Variants in UNC13B observed in about 807,000 individuals in gnomAD.
UNC13B encodes unc-13 homolog B, also known as protein unc-13 homolog B.
In UNC13B, 144 loss-of-function variants were observed where a neutral mutation model predicts 211.0. That is an observed-to-expected ratio of 0.68 (90% CI 0.60 to 0.78). The LOEUF is 0.78. UNC13B is among the 30% of genes least tolerant of loss of function. The pLI, the probability that UNC13B is intolerant of heterozygous loss-of-function variation, is 0.00. For synonymous variants in UNC13B, 709 were observed against 725.8 expected, an observed-to-expected ratio of 0.98 and a Z score of 0.37; for missense variants, 1,777 against 2,002.0, an observed-to-expected ratio of 0.89 and a Z score of 2.14.
intron 1 of UNC13B, among the ~76,000 whole-genome samples, chr9:35,203,208 G>A (rs185085628): frequency 0.012 from 1,757 of 152,258 alleles, 33 homozygotes; most frequent in African/African-American, 0.039. Context: ...TATGATGTTA[G>A]CTGGTTGTTT....
intron 11 of UNC13B, among the ~76,000 whole-genome samples, chr9:35,327,412 C>T (rs1164585848): frequency 1.3e-5 from 2 of 152,144 alleles, no homozygotes; most frequent in East Asian, 1.9e-4. Context: ...CTTCAGTCTG[C>T]AGCTGAAGAC....
rs755921880 is a variant in UNC13B, at chr9:35,396,481, G to A, written c.11314G>A (p.Glu3772Lys). 1.9e-6 allele frequency: 3 copies of A among 1,614,124 alleles called. No individual in the cohort carries two copies. Among genetic ancestry groups the A allele is most frequent in the African/African-American group, 1.3e-5 (1 of 75,046 alleles). The change falls in exon 27 of 40, where the codon GAG (glutamate) becomes AAG (lysine). Residue 3772 changes from glutamate (E) to lysine (K), a missense_variant. Physicochemically the swap from Glu to Lys is moderately conservative, Grantham distance 56 (BLOSUM62 1). Coordinates refer to ENST00000635942, the MANE Select transcript of UNC13B (RefSeq NM_001371189.2). ...ACCTTTCTCCCTACCACTAGAGCAT[G>A]AGAAAGACCACCTGTGTAAAAGTGC... ...QDMKYALEEH[E>K]KDHLCKSADY... is the part of the protein sequence containing the mutation.
intron 1 of UNC13B, among the ~76,000 whole-genome samples, chr9:35,211,497 C>T (rs903850745): frequency 2.0e-5 from 3 of 152,212 alleles, no homozygotes; most frequent in African/African-American, 4.8e-5. Flanking sequence ...CTTATCTACT[C>T]ATCTTCTATT....
intron 7 of UNC13B, among the ~76,000 whole-genome samples, chr9:35,259,823 T>C (rs568809084): frequency 2.0e-4 from 30 of 149,086 alleles, no homozygotes; most frequent in African/African-American, 7.4e-4. Flanking sequence ...GATACTTTTG[T>C]GTTGCTCTGT....
chr9:35,279,838 C>A (rs2184019), intron 7 of UNC13B, among the ~76,000 whole-genome samples: 20,807 of 152,138 alleles, frequency 0.14, 1,773 homozygotes, highest in Admixed American at 0.24. Flanking sequence ...GGAATAGTCA[C>A]CCTTCCTACA....
chr9:35,354,806 A>C (rs1927958), intron 11 of UNC13B, among the ~76,000 whole-genome samples: 2,458 of 152,278 alleles, frequency 0.016, 48 homozygotes, highest in African/African-American at 0.056. Context: ...TGGGAGTATA[A>C]ATTGGCATAA....
Position 35,381,192 on chromosome 9 carries a change from G to A in UNC13B, c.10468G>A (p.Val3490Met), listed in dbSNP as rs368700689. 73 of 1,613,890 alleles carry A rather than the reference G, an allele frequency of 4.5e-5. No homozygotes were observed. In the Middle Eastern group the frequency reaches 5.0e-4, roughly 11 times the overall value. ...GGAGGAGAAAGTAGCCCCATACCAC[G>A]TGCAGTATACATGTCTCCATGAGGT... is the stretch of plus-strand genomic sequence containing the variant. ...KGEEKVAPYHVQYTCLHENLF... is the reference protein window; with the variant it reads ...KGEEKVAPYHMQYTCLHENLF... The change falls in exon 19 of 40, where the codon GTG becomes ATG. Residue 3490 changes from valine to methionine, a missense_variant. Val to Met is a conservative substitution (Grantham distance 21). Coordinates refer to ENST00000635942, the MANE Select transcript of UNC13B (RefSeq NM_001371189.2).
At chr9:35,221,859 A>G (rs1481330231) in intron 1 of UNC13B, among the ~76,000 whole-genome samples, 1 of 152,236 alleles carries the variant, frequency 6.6e-6, no homozygotes, top group Non-Finnish European at 1.5e-5. Context: ...GCAAATATGT[A>G]TATGCACTTG....
chr9:35,382,254 C>A (rs1381972585), intron 20 of UNC13B, 103 bp from the exon 21 acceptor site: 2 of 1,482,744 alleles, frequency 1.3e-6, no homozygotes, highest in Non-Finnish European at 1.8e-6. Flanking sequence ...GCAGCAATTG[C>A]CCTGGCTGTG....
At position 35,322,608 on chromosome 9, in the gene UNC13B, G is replaced by A. The variant is rs369358646; in HGVS notation, c.9414+8619G>A. Reference sequence around the variant, plus strand: ...CGATCATTAAGACAGAGAACGAATCGAAACTCTTCTGCAAAGTTCCGTTCT... The same window carrying A: ...CGATCATTAAGACAGAGAACGAATCAAAACTCTTCTGCAAAGTTCCGTTCT... On this transcript the variant is annotated intron_variant, in intron 11 of 39. Transcript: ENST00000635942. Among the ~76,000 whole-genome samples the A allele has an allele frequency of 7.4e-4, 113 of 152,212 alleles. 1 individual carries two copies. The South Asian group carries it at 0.018, about 24-fold the overall frequency.
At chr9:35,342,547 A>G (rs1205114166) in intron 11 of UNC13B, among the ~76,000 whole-genome samples, 1 of 152,160 alleles carries the variant, frequency 6.6e-6, no homozygotes, top group Non-Finnish European at 1.5e-5. Flanking sequence ...GTGTGCTGAT[A>G]ATCTGACCAT....
intron 7 of UNC13B, among the ~76,000 whole-genome samples, chr9:35,272,233 A>G (rs10972415): frequency 0.98 from 140,526 of 143,910 alleles, 68,693 homozygotes; most frequent in Non-Finnish European, 1. Context: ...TGGTTGTTTC[A>G]TTTTGTTTTT....
At chr9:35,365,925 C>T (rs1018225706) in intron 11 of UNC13B, among the ~76,000 whole-genome samples, 1 of 152,176 alleles carries the variant, frequency 6.6e-6, no homozygotes, top group Non-Finnish European at 1.5e-5. Context: ...ACTTTTCCAT[C>T]ACCATTAGCT....
At chr9:35,352,448 C>G in intron 11 of UNC13B, 1 of 1,232,034 alleles carries the variant, frequency 8.1e-7, no homozygotes, top group Non-Finnish European at 1.0e-6. Flanking sequence ...ACCAAGCTGC[C>G]CACAGGGTAA....
rs770976126 is a variant in UNC13B, at chr9:35,377,588, G to A, written c.9956G>A (p.Arg3319Gln). Residue 3319 changes from arginine to glutamine, a missense_variant, in exon 16 of 40, where the codon CGG becomes CAG. Transcript: ENST00000635942. The stretch of plus-strand genomic sequence containing the variant: ...AAGCCAGAGATCTTTGAAGTTATCC[G>A]GGACGTCTTCACAGTGAACAAAGCT... ...RNKPEIFEVI[R>Q]DVFTVNKAAH... The A allele has an allele frequency of 2.7e-5, 43 of 1,614,182 alleles. No individual in the cohort carries two copies. In the East Asian group the frequency reaches 3.8e-4, roughly 14 times the overall value.
intron 1 of UNC13B, among the ~76,000 whole-genome samples, chr9:35,199,875 T>G (rs1237986260): frequency 6.6e-6 from 1 of 152,200 alleles, no homozygotes; most frequent in Non-Finnish European, 1.5e-5. Context: ...TTGGCTTTTG[T>G]TGCCATTGCT....
intron 11 of UNC13B, among the ~76,000 whole-genome samples, chr9:35,324,477 T>C (rs1830901757): frequency 6.6e-6 from 1 of 152,234 alleles, no homozygotes; most frequent in Admixed American, 6.5e-5. Context: ...ACACATTCTG[T>C]GGGACTAGTT....
At chr9:35,252,915 G>A (rs982795966) in intron 6 of UNC13B, among the ~76,000 whole-genome samples, 3 of 151,328 alleles carry the variant, frequency 2.0e-5, no homozygotes, top group Non-Finnish European at 4.4e-5. Context: ...GGGCAACAGA[G>A]CGAGACTCTG....
intron 11 of UNC13B, among the ~76,000 whole-genome samples, chr9:35,324,040 A>T (rs1830876797): frequency 6.6e-6 from 1 of 152,222 alleles, no homozygotes; most frequent in Non-Finnish European, 1.5e-5. Context: ...TCATAATAAT[A>T]ATTCTGTGAA....
Sources: gnomAD v4.1 joint callset for allele counts (sites outside exome capture counted in the v4.1 genomes callset) on GRCh38, gnomAD v4.1.1 for gene constraint, MANE v1.5 for transcripts, NCBI Gene and HGNC (gene_info 2026-07-23, HGNC 2026-07-21) for gene names.